Variants in CDC7 observed in about 807,000 individuals in gnomAD.
CDC7 encodes the protein cell division cycle 7-related protein kinase.
A neutral mutation model predicts 53.5 loss-of-function variants in CDC7; 34 were observed. The ratio of observed to expected loss-of-function variants is 0.64; its 90% CI spans 0.48 to 0.85. The LOEUF (loss-of-function observed/expected upper bound fraction) is 0.85, where lower values mean the gene tolerates loss of function less well. Among genes scored for constraint, CDC7 ranks in the 40% least tolerant of loss-of-function variants. CDC7 has a pLI of 0.00. For synonymous variants in CDC7, 211 were observed against 222.8 expected, an observed-to-expected ratio of 0.95 and a Z score of 0.47; for missense variants, 594 against 679.7, an observed-to-expected ratio of 0.87 and a Z score of 1.40.
intron 10 of CDC7, among the ~76,000 whole-genome samples, chr1:91,518,150 T>A (rs1571334403): frequency 9.0e-6 from 1 of 111,410 alleles, no homozygotes; most frequent in Admixed American, 9.4e-5. Flanking sequence ...AGAGAGCAGA[T>A]AACCTGGTGA....
At chr1:91,518,947 G>A (rs1247021997) in intron 10 of CDC7, among the ~76,000 whole-genome samples, 3 of 151,558 alleles carry the variant, frequency 2.0e-5, no homozygotes, top group African/African-American at 2.4e-5. Context: ...TGTGGTCCCA[G>A]CTACTCAGGA....
intron 4 of CDC7, among the ~76,000 whole-genome samples, chr1:91,510,679 C>T (rs887147095): frequency 6.6e-6 from 1 of 152,130 alleles, no homozygotes; most frequent in Non-Finnish European, 1.5e-5. Flanking sequence ...GCTAAAAATG[C>T]CTTCATCTGA....
chr1:91,501,701 T>C lies in CDC7; in HGVS notation c.-16T>C. 6.3e-7 allele frequency: 1 copy of C among 1,597,072 alleles called. No individual in the cohort carries two copies. Among genetic ancestry groups the C allele is most frequent in the Non-Finnish European group, 8.6e-7 (1 of 1,165,160 alleles). The stretch of plus-strand genomic sequence containing the variant: ...GTAACCCCTTAGCTGGCATTTTGCA[T>C]CTCAATTGGCTTGTGATGGAGGCGT... On this transcript the variant is annotated 5_prime_UTR_variant, in exon 2 of 12. Transcript: ENST00000234626.
intron 11 of CDC7, among the ~76,000 whole-genome samples, chr1:91,523,191 C>A (rs1292049979): frequency 1.3e-5 from 2 of 152,014 alleles, no homozygotes; most frequent in Non-Finnish European, 2.9e-5. Context: ...TTTCACAGAG[C>A]TTAAATTCTA....
At chr1:91,502,835 A>G (rs972672798) in intron 2 of CDC7, among the ~76,000 whole-genome samples, 15 of 151,840 alleles carry the variant, frequency 9.9e-5, no homozygotes, top group African/African-American at 3.6e-4. Flanking sequence ...TCTTCAGTTC[A>G]TCTTGTATGT....
rs1446024177 is a variant in CDC7, at chr1:91,514,825, A to G, written c.925A>G (p.Lys309Glu). The G allele has an allele frequency of 3.1e-6, 5 of 1,588,218 alleles. No homozygotes were observed. The highest frequency in any genetic ancestry group is 3.4e-6 in the Non-Finnish European group (4 of 1,168,252). Reference sequence around the variant, plus strand: ...TGAGACTTTTCTTTTACAGCTCATGAAGCAGTCAAAGACTGTGGATGTACT... The same window carrying G: ...TGAGACTTTTCTTTTACAGCTCATGGAGCAGTCAAAGACTGTGGATGTACT... ...SHESPAVKLM[K>E]QSKTVDVLSR... Residue 309 changes from lysine to glutamate, a missense_variant, in exon 9 of 12, where the codon AAG becomes GAG. Lys to Glu is a moderately conservative substitution (Grantham distance 56). Coordinates refer to ENST00000234626, the MANE Select transcript of CDC7 (RefSeq NM_003503.4).
At chr1:91,520,431 AAAAT>A (rs1218584508) in intron 11 of CDC7, 152 bp downstream of exon 11, 3 of 591,866 alleles carry the variant, frequency 5.1e-6, no homozygotes, top group African/African-American at 3.8e-5. Flanking sequence ...CAGTTGCTTG[AAAAT>A]AAATTTATCA....
intron 10 of CDC7, among the ~76,000 whole-genome samples, chr1:91,519,600 TAA>T (rs2102396738): frequency 6.6e-6 from 1 of 152,264 alleles, no homozygotes; most frequent in South Asian, 2.1e-4. Flanking sequence ...TCAGAAAAAT[TAA>T]AGTCTTCACA....
chr1:91,515,967 T>A (rs1409608825), intron 10 of CDC7, 91 bp downstream of exon 10: 4 of 1,066,408 alleles, frequency 3.8e-6, no homozygotes, highest in Admixed American at 2.0e-5. Flanking sequence ...TAACTAATAT[T>A]TGAGTTCTTC....
In CDC7 at chr1:91,520,135, G is replaced by T; in HGVS notation, c.1186G>T (p.Asp396Tyr). ...AAATTTGTCTTCTGTTGCAGCAATT[G>T]ACATGTGGTCTGCAGGTGTCATATT... ...TKCPNQTTAI[D>Y]MWSAGVIFLS... The change falls in exon 11 of 12, where the codon GAC becomes TAC. Residue 396 changes from aspartate to tyrosine, a missense_variant. Physicochemically the swap from Asp to Tyr is radical, Grantham distance 160. Coordinates refer to ENST00000234626, the MANE Select transcript of CDC7 (RefSeq NM_003503.4). 6.4e-7 allele frequency: 1 copy of T among 1,561,240 alleles called. No homozygotes were observed. The highest frequency in any genetic ancestry group is 1.2e-5 in the South Asian group (1 of 80,762).
chr1:91,520,373 A>C, intron 11 of CDC7, 94 bp downstream of exon 11: 1 of 1,065,656 alleles, frequency 9.4e-7, no homozygotes, highest in Non-Finnish European at 1.3e-6. Context: ...CTTTACAAAT[A>C]AACATTCAGT....
At chr1:91,512,579 TAAC>T (rs1413245260) in intron 6 of CDC7, among the ~76,000 whole-genome samples, 4 of 152,230 alleles carry the variant, frequency 2.6e-5, no homozygotes, top group African/African-American at 9.6e-5. Flanking sequence ...AAGCTAAAAA[TAAC>T]ATAAATACCT....
chr1:91,524,654 C>T lies in CDC7; in HGVS notation c.*219C>T. The T allele has an allele frequency of 2.2e-6, 1 of 458,806 alleles. No individual in the cohort carries two copies. Among genetic ancestry groups the T allele is most frequent in the East Asian group, 3.4e-5 (1 of 29,298 alleles). 28.4% of individuals were successfully genotyped at this position (458,806 alleles called of 1,614,324 possible). The stretch of plus-strand genomic sequence containing the variant: ...ATGATCTTCTTTGAGTTAAACCTAC[C>T]TAAGTAGATTTTAGGTGGGTTCCTA... On this transcript the variant is annotated 3_prime_UTR_variant, in exon 12 of 12. Transcript: ENST00000234626.
intron 11 of CDC7, 99 bp from the exon 12 acceptor site, chr1:91,523,940 CAT>C: frequency 1.3e-6 from 1 of 752,680 alleles, no homozygotes; most frequent in Non-Finnish European, 2.1e-6. Context: ...GTCTATAAAG[CAT>C]ATGTTTGAAC....
At chr1:91,520,021 T>G (rs1341577964) in intron 10 of CDC7, 109 bp from the exon 11 acceptor site, 1 of 839,628 alleles carries the variant, frequency 1.2e-6, no homozygotes, top group Non-Finnish European at 1.7e-6. Flanking sequence ...TCTGAAATTT[T>G]TAAGGCTCCC....
At chr1:91,503,511 A>G (rs1439633471) in intron 2 of CDC7, among the ~76,000 whole-genome samples, 1 of 152,182 alleles carries the variant, frequency 6.6e-6, no homozygotes, top group East Asian at 1.9e-4. Context: ...TGTTTTATAT[A>G]TCTTAGCATT....
At chr1:91,522,606 G>C (rs1668019602) in intron 11 of CDC7, among the ~76,000 whole-genome samples, 1 of 152,124 alleles carries the variant, frequency 6.6e-6, no homozygotes. Context: ...TTGGGGACAT[G>C]CTATAACATA....
chr1:91,515,875 AG>A lies in CDC7; in HGVS notation c.1180+1del. ...VLTKCPNQTTAIDMWSAGVIF... is the reference protein window; with the variant it reads ...VLTKCPNQTTXIDMWSAGVIF... ...TGACAAAGTGCCCCAATCAAACTAC[AG>A]GTATGTTGTACTGGAAATACAGAAC... On this transcript the variant is annotated frameshift_variant and splice_region_variant, in exon 10 of 12. Transcript: ENST00000234626. LOFTEE classifies it high-confidence loss of function. 3.1e-6 allele frequency: 5 copies of A among 1,611,674 alleles called. No homozygotes were observed. Among genetic ancestry groups the A allele is most frequent in the Non-Finnish European group, 4.2e-6 (5 of 1,177,926 alleles).
intron 6 of CDC7, 58 bp from the exon 7 acceptor site, chr1:91,513,000 A>G: frequency 6.9e-7 from 1 of 1,455,654 alleles, no homozygotes. Context: ...AGAGTATTAC[A>G]ATGTTACTAA....
Sources: allele counts gnomAD v4.1 joint callset (sites outside exome capture counted in the v4.1 genomes callset), GRCh38; gene constraint gnomAD v4.1.1; transcripts MANE v1.5; gene names NCBI Gene and HGNC (gene_info 2026-07-23, HGNC 2026-07-21).